Variants in TACC1 observed in about 807,000 individuals in gnomAD.
The protein encoded by TACC1 is transforming acidic coiled-coil-containing protein 1.
In TACC1, 48 loss-of-function variants were observed where a neutral mutation model predicts 84.4. The ratio of observed to expected loss-of-function variants is 0.57; its 90% confidence interval spans 0.45 to 0.72. The LOEUF (loss-of-function observed/expected upper bound fraction) is 0.72. Ranked by LOEUF, TACC1 falls within the 30% of genes least tolerant of loss-of-function variation. The probability of loss-of-function intolerance (pLI) is 0.00; values close to 1 mark genes in which losing one functional copy is unlikely to be tolerated. For synonymous variants in TACC1, 372 were observed against 376.3 expected (o/e 0.99, Z 0.13); for missense variants, 920 against 973.0 (o/e 0.95, Z 0.72).
At chr8:38,753,929 C>CTTTCTTTCTTTCTTTCTTTCTTTCTTTCT (rs370460992) in intron 3 of TACC1, among the ~76,000 whole-genome samples, 14 of 120,736 alleles carry the variant, frequency 1.2e-4, no homozygotes, top group African/African-American at 1.8e-4. Context: ...TTCTTTCTTT[C>CTTTCTTTCTTTCTTTCTTTCTTTCTTTCT]TTCTTTCTCT....
rs1031316080 is a variant in TACC1 at position 38,850,885 on chromosome 8, A to G, written c.*2862A>G. 1 of 151,932 alleles carries G rather than the reference A, an allele frequency of 6.6e-6. No individual in the cohort carries two copies. The highest frequency in any genetic ancestry group is 1.5e-5 in the Non-Finnish European group (1 of 68,020). The allele number at this position is 151,932 out of a possible 1,614,324, so 9.4% of individuals were successfully genotyped here. On this transcript the variant is annotated 3_prime_UTR_variant, in exon 13 of 13. Coordinates refer to ENST00000317827, the MANE Select transcript of TACC1 (RefSeq NM_006283.3). Reference sequence around the variant, plus strand: ...TTAGGTGATCCTGTTGAGATTCTGGATCCAGAGCAATTTCTTTAGCTTTTG... The same window carrying G: ...TTAGGTGATCCTGTTGAGATTCTGGGTCCAGAGCAATTTCTTTAGCTTTTG...
chr8:38,757,208 C>A (rs1373501211), intron 3 of TACC1: 4 of 262,954 alleles, frequency 1.5e-5, no homozygotes, highest in Non-Finnish European at 3.0e-5. Context: ...TACGGCCGGG[C>A]GCCCCACCCC....
At chr8:38,757,396 C>T (rs1319653066) in intron 3 of TACC1, 9 of 1,253,828 alleles carry the variant, frequency 7.2e-6, no homozygotes, top group Non-Finnish European at 9.3e-6. Flanking sequence ...GCACCCGAGA[C>T]CCACGGAGAC....
intron 7 of TACC1, among the ~76,000 whole-genome samples, chr8:38,837,186 G>A (rs1043751186): frequency 4.0e-5 from 6 of 149,950 alleles, no homozygotes; most frequent in Non-Finnish European, 7.4e-5. Flanking sequence ...AGGCCAAGGC[G>A]GGCGGATCAC....
chr8:38,734,658 T>A (rs1308167373), intron 1 of TACC1, among the ~76,000 whole-genome samples: 1 of 152,220 alleles, frequency 6.6e-6, no homozygotes, highest in East Asian at 1.9e-4. Context: ...CTTTCCATAG[T>A]TTGACTTTCG....
upstream of TACC1, among the ~76,000 whole-genome samples, chr8:38,785,434 C>T (rs572368160): frequency 1.3e-5 from 2 of 152,102 alleles, no homozygotes; most frequent in Non-Finnish European, 2.9e-5. Context: ...GGAATGGGAA[C>T]CGAAAGATTA....
intron 7 of TACC1, among the ~76,000 whole-genome samples, chr8:38,837,854 T>A (rs2152308366): frequency 6.6e-6 from 1 of 152,356 alleles, no homozygotes; most frequent in South Asian, 2.1e-4. Context: ...TTAGAGTATT[T>A]CCTTCCAGTT....
intron 3 of TACC1, among the ~76,000 whole-genome samples, chr8:38,781,156 C>T (rs1479931634): frequency 6.6e-6 from 1 of 152,088 alleles, no homozygotes; most frequent in African/African-American, 2.4e-5. Context: ...CAATCTGTTA[C>T]CTTGTAACTT....
At chr8:38,807,966 T>G (rs1368250881) in intron 2 of TACC1, among the ~76,000 whole-genome samples, 1 of 152,232 alleles carries the variant, frequency 6.6e-6, no homozygotes, top group African/African-American at 2.4e-5. Context: ...ACACAACCTT[T>G]TAGATTTAGG....
In TACC1 at chr8:38,787,266, A is replaced by AGGTC. The variant is rs1010893437; in HGVS notation, c.-316_-313dup. 23 of 1,054,768 alleles carry AGGTC rather than the reference A, an allele frequency of 2.2e-5. No individual in the cohort carries two copies. The African/African-American group carries it at 3.5e-4, about 16-fold the overall frequency. 65.3% of individuals were successfully genotyped at this position (1,054,768 alleles called of 1,614,324 possible). On this transcript the variant is annotated 5_prime_UTR_variant, in exon 1 of 13. Transcript: ENST00000317827. Reference sequence around the variant, plus strand: ...CGCGAGCCGGGAGCGGGAGCAGCAGAGGTCTAGCAGCCGGGCGCCGCGGGC... The same window carrying AGGTC: ...CGCGAGCCGGGAGCGGGAGCAGCAGAGGTCGGTCTAGCAGCCGGGCGCCGCGGGC...
intron 2 of TACC1, among the ~76,000 whole-genome samples, chr8:38,808,229 T>C (rs1188423651): frequency 6.6e-6 from 1 of 152,144 alleles, no homozygotes; most frequent in African/African-American, 2.4e-5. Flanking sequence ...TCTGTAAAAA[T>C]GGAAAGGCAC....
chr8:38,826,559 G>C (rs941710977), intron 4 of TACC1, among the ~76,000 whole-genome samples: 4 of 152,136 alleles, frequency 2.6e-5, no homozygotes, highest in African/African-American at 9.7e-5. Flanking sequence ...ATTGGATAGA[G>C]ACTTTTAAAA....
chr8:38,837,572 C>T (rs1443620634), intron 7 of TACC1, among the ~76,000 whole-genome samples: 2 of 152,134 alleles, frequency 1.3e-5, no homozygotes, highest in East Asian at 1.9e-4. Context: ...ACTGCAAGCA[C>T]GCACCACTGT....
intron 3 of TACC1, among the ~76,000 whole-genome samples, chr8:38,755,707 A>AAACAACAACAACAACAACAAC (rs71216684): frequency 2.8e-5 from 4 of 140,818 alleles, no homozygotes; most frequent in Admixed American, 7.0e-5. Flanking sequence ...CGGTCTTTCA[A>AAACAACAACAACAACAACAAC]AACAACAACA....
chr8:38,758,557 T>C (rs936237664), intron 3 of TACC1, among the ~76,000 whole-genome samples: 2 of 151,634 alleles, frequency 1.3e-5, no homozygotes, highest in Non-Finnish European at 2.9e-5. Flanking sequence ...TGCGAGCCTG[T>C]AGTTCCAGCT....
intron 1 of TACC1, among the ~76,000 whole-genome samples, chr8:38,740,507 G>A (rs1806854803): frequency 6.6e-6 from 1 of 152,166 alleles, no homozygotes; most frequent in Admixed American, 6.5e-5. Flanking sequence ...CAAGAAAGTG[G>A]TTACAGTATC....
intron 3 of TACC1, among the ~76,000 whole-genome samples, chr8:38,761,364 T>C (rs1811176057): frequency 6.6e-6 from 1 of 152,256 alleles, no homozygotes; most frequent in Admixed American, 6.5e-5. Flanking sequence ...ACTAGTTAAG[T>C]TTCCAGACCA....
chr8:38,750,365 CA>C (rs1808808915), intron 3 of TACC1, among the ~76,000 whole-genome samples: 1 of 152,172 alleles, frequency 6.6e-6, no homozygotes, highest in South Asian at 2.1e-4. Context: ...CATCCTACTA[CA>C]ATGTGAAAAA....
Position 38,758,205 on chromosome 8 carries a change from G to C in TACC1, c.26+12712G>C, listed in dbSNP as rs148456601. Reference sequence around the variant, plus strand: ...TCTTTATTTTAATTCAGCCCATGTCGAAGCTATTTAGTTTGAGAAAGATAC... The same window carrying C: ...TCTTTATTTTAATTCAGCCCATGTCCAAGCTATTTAGTTTGAGAAAGATAC... On this transcript the variant is annotated intron_variant, in intron 3 of 14. Transcript: ENST00000518415. Among the ~76,000 whole-genome samples, 9 of 152,110 alleles carry C rather than the reference G, an allele frequency of 5.9e-5. 1 individual carries two copies. The highest frequency in any genetic ancestry group is 3.9e-4 in the Admixed American group (6 of 15,252).
Sources: allele counts gnomAD v4.1 joint callset (sites outside exome capture counted in the v4.1 genomes callset), GRCh38; gene constraint gnomAD v4.1.1; transcripts MANE v1.5; gene names NCBI Gene and HGNC (gene_info 2026-07-23, HGNC 2026-07-21).